Variants in POLR3B observed in about 807,000 individuals in gnomAD.
POLR3B encodes RNA polymerase III subunit B.
A neutral mutation model predicts 147.4 loss-of-function variants in POLR3B; 96 were observed. That is an observed-to-expected ratio of 0.65 (90% CI 0.55 to 0.77). The LOEUF is 0.77. Ranked by LOEUF, POLR3B falls within the 30% of genes least tolerant of loss-of-function variation. The pLI is 0.00. For missense variants in POLR3B, 1,036 were observed against 1,413.5 expected, an observed-to-expected ratio of 0.73 and a Z score of 4.28; for synonymous variants, 461 against 485.9, an observed-to-expected ratio of 0.95 and a Z score of 0.67.
chr12:106,428,572 T>A (rs2037467176), intron 13 of POLR3B, among the ~76,000 whole-genome samples: 1 of 152,212 alleles, frequency 6.6e-6, no homozygotes, highest in African/African-American at 2.4e-5. Context: ...GCTGAACATC[T>A]TGGCTTCACT....
At chr12:106,457,362 C>A in intron 21 of POLR3B, 66 bp downstream of exon 21, 1 of 1,391,044 alleles carries the variant, frequency 7.2e-7, no homozygotes, top group Non-Finnish European at 1.0e-6. Flanking sequence ...AATAATATTT[C>A]TGAATATTTG....
At chr12:106,455,778 G>A (rs1164537072) in intron 20 of POLR3B, among the ~76,000 whole-genome samples, 1 of 152,166 alleles carries the variant, frequency 6.6e-6, no homozygotes, top group Non-Finnish European at 1.5e-5. Context: ...GTTTATTATG[G>A]CCATACACAA....
intron 23 of POLR3B, among the ~76,000 whole-genome samples, chr12:106,485,005 C>T (rs927351863): frequency 1.3e-5 from 2 of 152,160 alleles, no homozygotes; most frequent in South Asian, 2.1e-4. Flanking sequence ...GACTTTACTC[C>T]AGATATGCTG....
At chr12:106,395,935 A>G (rs1038403675) in intron 10 of POLR3B, among the ~76,000 whole-genome samples, 9 of 151,998 alleles carry the variant, frequency 5.9e-5, no homozygotes, top group African/African-American at 2.2e-4. Flanking sequence ...GCGCCACTGC[A>G]CTCCAGCCTG....
chr12:106,487,069 G>T (rs1290805293), intron 23 of POLR3B, among the ~76,000 whole-genome samples: 1 of 152,228 alleles, frequency 6.6e-6, no homozygotes, highest in Non-Finnish European at 1.5e-5. Context: ...CCAGCGCTTA[G>T]TGTGGGCCCT....
At chr12:106,459,480 G>A (rs918554720) in intron 22 of POLR3B, 112 bp downstream of exon 22, 28 of 742,648 alleles carry the variant, frequency 3.8e-5, no homozygotes, top group Non-Finnish European at 6.4e-5. Flanking sequence ...TAGCAATTTG[G>A]GGTAGCATTA....
intron 19 of POLR3B, 78 bp downstream of exon 19, chr12:106,444,668 T>C (rs1471599781): frequency 2.1e-6 from 3 of 1,455,116 alleles, no homozygotes; most frequent in South Asian, 2.3e-5. Context: ...TTATTCCTGC[T>C]TCACCAGTAT....
chr12:106,509,340 A>G, intron 27 of POLR3B, 80 bp from the exon 28 acceptor site: 5 of 1,379,908 alleles, frequency 3.6e-6, no homozygotes, highest in Non-Finnish European at 5.2e-6. Context: ...AGAACTTTAT[A>G]GAGACCATTC....
intron 23 of POLR3B, among the ~76,000 whole-genome samples, chr12:106,472,829 C>T (rs377504158): frequency 0.12 from 10,116 of 86,922 alleles, 718 homozygotes; most frequent in African/African-American, 0.25. Context: ...TTCACTCTGA[C>T]GGTAGTTTCT....
intron 10 of POLR3B, among the ~76,000 whole-genome samples, chr12:106,400,991 G>A (rs1279102424): frequency 6.6e-6 from 1 of 152,154 alleles, no homozygotes; most frequent in Non-Finnish European, 1.5e-5. Context: ...AGAACTGAAG[G>A]AAATAGAGAC....
intron 1 of POLR3B, 196 bp downstream of exon 1, chr12:106,358,147 C>T: frequency 6.9e-7 from 1 of 1,454,986 alleles, no homozygotes; most frequent in Non-Finnish European, 9.0e-7. Context: ...AAGGCTGATC[C>T]CAGAGGAGCT....
At chr12:106,438,368 CTTTAGA>C (rs1369215700) in intron 18 of POLR3B, among the ~76,000 whole-genome samples, 2 of 152,102 alleles carry the variant, frequency 1.3e-5, no homozygotes, top group Middle Eastern at 3.4e-3. Flanking sequence ...AACAAGTCAT[CTTTAGA>C]TTTAATTATC....
intron 4 of POLR3B, 152 bp from the exon 5 acceptor site, chr12:106,369,123 A>C (rs759425501): frequency 7.1e-5 from 49 of 688,588 alleles, no homozygotes; most frequent in Non-Finnish European, 1.2e-4. Flanking sequence ...CTATCACTTC[A>C]AGAAGATCTC....
intron 9 of POLR3B, among the ~76,000 whole-genome samples, chr12:106,390,429 T>G (rs903885007): frequency 1.3e-5 from 2 of 152,076 alleles, no homozygotes; most frequent in East Asian, 3.9e-4. Flanking sequence ...ATTTTACATA[T>G]GTGCCATCAC....
intron 23 of POLR3B, among the ~76,000 whole-genome samples, chr12:106,493,802 G>A (rs1274102275): frequency 1.3e-5 from 2 of 152,304 alleles, no homozygotes; most frequent in South Asian, 2.1e-4. Flanking sequence ...TTTCTGTGTC[G>A]ATTTCATGGA....
At chr12:106,423,330 T>G (rs2037395824) in intron 12 of POLR3B, among the ~76,000 whole-genome samples, 1 of 152,162 alleles carries the variant, frequency 6.6e-6, no homozygotes, top group African/African-American at 2.4e-5. Context: ...ATGACTAAAA[T>G]TTTTCACACC....
chr12:106,477,527 G>A (rs1487040868), intron 23 of POLR3B, among the ~76,000 whole-genome samples: 11 of 151,140 alleles, frequency 7.3e-5, no homozygotes, highest in African/African-American at 2.0e-4. Context: ...CTCCGTGGGC[G>A]TAGGACCCTC....
Position 106,509,429 on chromosome 12 carries a change from C to G in POLR3B, c.3282C>G (p.Tyr1094Ter). The change falls in exon 28 of 28, where the codon TAC becomes TAG. Residue 1094 changes from tyrosine (Y) to a stop codon, truncating the protein, a stop_gained. Transcript: ENST00000228347. LOFTEE classifies it high-confidence loss of function. ...CTGACTTGCGTTTCAGGTGCCATTA[C>G]TGCAAGTCATCCTGCCACGTGTCTT... ...GLLGYSGWCH[Y>*]CKSSCHVSSL... The G allele has an allele frequency of 6.2e-7, 1 of 1,613,804 alleles. No individual in the cohort carries two copies. The highest frequency in any genetic ancestry group is 1.7e-5 in the Admixed American group (1 of 60,016).
intron 22 of POLR3B, among the ~76,000 whole-genome samples, chr12:106,461,740 G>A (rs905314624): frequency 1.3e-5 from 2 of 152,068 alleles, no homozygotes; most frequent in Non-Finnish European, 2.9e-5. Context: ...CTCTTCCCTT[G>A]ATGTTGTGAC....
Sources: allele counts gnomAD v4.1 joint callset (sites outside exome capture counted in the v4.1 genomes callset), GRCh38; gene constraint gnomAD v4.1.1; transcripts MANE v1.5; gene names NCBI Gene and HGNC (gene_info 2026-07-23, HGNC 2026-07-21).